PSPC1: variants seen among roughly 807,000 people sequenced by gnomAD.
The protein encoded by PSPC1 is paraspeckle protein 1.
PSPC1 carries 14 observed loss-of-function variants against 51.6 expected under a neutral mutation model. The observed-to-expected ratio is 0.27, with a 90% CI of 0.18 to 0.42. PSPC1 has a LOEUF of 0.42. Ranked by LOEUF, PSPC1 falls within the 10% of genes least tolerant of loss-of-function variation. The pLI, the probability that PSPC1 is intolerant of heterozygous loss-of-function variation, is 1.00. For missense variants in PSPC1, 406 were observed against 701.1 expected (o/e 0.58, Z 4.75); for synonymous variants, 193 against 231.9 (o/e 0.83, Z 1.53).
intron 6 of PSPC1, among the ~76,000 whole-genome samples, chr13:19,727,615 A>T (rs1245300053): frequency 6.6e-6 from 1 of 152,230 alleles, no homozygotes; most frequent in Non-Finnish European, 1.5e-5. Context: ...TGCTAGAACT[A>T]AAATCTGTCA....
chr13:19,699,417 G>C (rs755587600), downstream of PSPC1: 2 of 151,406 alleles, frequency 1.3e-5, no homozygotes, highest in Non-Finnish European at 3.0e-5. Context: ...TACACCACCA[G>C]AAAAACATGT....
At chr13:19,744,566 T>C (rs1885763966) in intron 4 of PSPC1, among the ~76,000 whole-genome samples, 1 of 151,484 alleles carries the variant, frequency 6.6e-6, no homozygotes, top group Non-Finnish European at 1.5e-5. Context: ...TTTTTTTTTC[T>C]TTTTTTTCTT....
intron 3 of PSPC1, among the ~76,000 whole-genome samples, chr13:19,754,442 ATAAC>A (rs1886870266): frequency 1.4e-5 from 2 of 138,218 alleles, no homozygotes; most frequent in Non-Finnish European, 3.1e-5. Flanking sequence ...AAGTGGGAAT[ATAAC>A]TAACTCCTTT....
At chr13:19,734,771 C>T (rs1298144588) in intron 5 of PSPC1, among the ~76,000 whole-genome samples, 6 of 151,808 alleles carry the variant, frequency 4.0e-5, no homozygotes, top group Non-Finnish European at 5.9e-5. Flanking sequence ...CACTGTACTC[C>T]AGCCTGGGCG....
intron 4 of PSPC1, among the ~76,000 whole-genome samples, chr13:19,747,645 T>C (rs1481367670): frequency 6.6e-6 from 1 of 152,198 alleles, no homozygotes. Flanking sequence ...TGTTTTGTTG[T>C]TACGATTTTT....
intron 1 of PSPC1, among the ~76,000 whole-genome samples, chr13:19,781,900 C>A (rs1890010307): frequency 6.6e-6 from 1 of 152,156 alleles, no homozygotes; most frequent in African/African-American, 2.4e-5. Flanking sequence ...CTGGACAGAC[C>A]CTCACGACCA....
chr13:19,714,749 C>A (rs929056028), intron 6 of PSPC1, among the ~76,000 whole-genome samples: 2 of 152,038 alleles, frequency 1.3e-5, no homozygotes, highest in African/African-American at 4.8e-5. Flanking sequence ...CCTGCCTCAA[C>A]CCCCCAAAGT....
At chr13:19,780,839 CCAGA>C (rs1889876373) in intron 1 of PSPC1, among the ~76,000 whole-genome samples, 1 of 152,138 alleles carries the variant, frequency 6.6e-6, no homozygotes, top group Admixed American at 6.6e-5. Context: ...TTTGTATCGT[CCAGA>C]CAGAGAACCC....
rs2138425245 is a variant in PSPC1 at position 19,782,695 on chromosome 13, G to A, written c.63C>T (p.Ala21=). Residue 21 remains alanine, a synonymous_variant, in exon 1 of 9, where the codon GCC becomes GCT. Transcript: ENST00000338910. The surrounding 1 kb of genome is among the most constrained non-coding windows in gnomAD (Gnocchi z 4.5). ...RIEKNPARLR[A]LESAVGESEP... is the part of the protein sequence containing the mutation. The stretch of plus-strand genomic sequence containing the variant: ...CGCTCTCGCCCACCGCGGACTCCAG[G>A]GCGCGAAGGCGGGCCGGGTTTTTCT... The A allele has an allele frequency of 3.2e-6, 5 of 1,571,930 alleles. No homozygotes were observed. Among genetic ancestry groups the A allele is most frequent in the East Asian group, 2.4e-5 (1 of 40,976 alleles).
chr13:19,736,526 A>AT (rs1884832483), intron 5 of PSPC1, among the ~76,000 whole-genome samples: 5 of 151,936 alleles, frequency 3.3e-5, no homozygotes, highest in Admixed American at 2.0e-4. Context: ...TACTAAAAAT[A>AT]CAAAAAATTA....
rs1039743839 is a variant in PSPC1, at chr13:19,778,357, C to T, written c.372+4029G>A. On this transcript the variant is annotated intron_variant, in intron 1 of 8. Transcript: ENST00000338910. ...CAATTTTCTCTACATATTAAGACCT[C>T]TCCCTCTCCCCCTCCCCCTCCCCCT... Among the ~76,000 whole-genome samples the T allele has an allele frequency of 8.2e-4, 45 of 54,562 alleles. No individual in the cohort carries two copies. In the South Asian group the frequency reaches 0.047, roughly 57 times the overall value. 35.8% of individuals were successfully genotyped at this position (54,562 alleles called of 152,430 possible).
chr13:19,674,791 A>G (rs1377310982), exon 8 of PSPC1: 2 of 152,276 alleles, frequency 1.3e-5, no homozygotes, highest in African/African-American at 4.8e-5. Flanking sequence ...TGCAGTTAAC[A>G]TGCTTCAAAG....
At chr13:19,707,833 T>TAA (rs1259213344) in intron 7 of PSPC1, among the ~76,000 whole-genome samples, 1 of 152,174 alleles carries the variant, frequency 6.6e-6, no homozygotes, top group African/African-American at 2.4e-5. Flanking sequence ...AACAGCCTTT[T>TAA]AAACTGCCTA....
At chr13:19,700,863 T>C (rs1354648250), downstream of PSPC1, among the ~76,000 whole-genome samples, 6 of 152,170 alleles carry the variant, frequency 3.9e-5, no homozygotes, top group African/African-American at 9.7e-5. Flanking sequence ...CTACCACTTT[T>C]AAGCAGATGA....
chr13:19,726,024 G>T (rs1026380354), intron 6 of PSPC1, among the ~76,000 whole-genome samples: 2 of 152,066 alleles, frequency 1.3e-5, no homozygotes, highest in Non-Finnish European at 2.9e-5. Flanking sequence ...GGGTACAGCA[G>T]CATGCCTACT....
Position 19,695,579 on chromosome 13 carries a change from AT to A in PSPC1, c.1159-17757del, listed in dbSNP as rs1879107527. Among the ~76,000 whole-genome samples the A allele has an allele frequency of 2.0e-5, 3 of 152,306 alleles. No individual in the cohort carries two copies. The South Asian group carries it at 6.2e-4, about 32-fold the overall frequency. ...AGCAACAGATCAAATATAAAGTTCT[AT>A]GGCTGCCCAGTAAGGTAATGCTAGA... On this transcript the variant is annotated intron_variant and NMD_transcript_variant, in intron 6 of 7. Coordinates refer to the PSPC1 transcript ENST00000471658.
chr13:19,769,099 A>G (rs1305401205), intron 2 of PSPC1, among the ~76,000 whole-genome samples: 2 of 150,866 alleles, frequency 1.3e-5, no homozygotes, highest in African/African-American at 4.9e-5. Context: ...ACATGGAACC[A>G]CTGCACTCCA....
chr13:19,690,348 T>TTGC (rs888529830), intron 6 of PSPC1, among the ~76,000 whole-genome samples: 1 of 152,232 alleles, frequency 6.6e-6, no homozygotes, highest in African/African-American at 2.4e-5. Context: ...TGAGTTCTAG[T>TTGC]TGCTACATTT....
At chr13:19,676,330 TGGCTTGA>T (rs1876629832) in intron 7 of PSPC1, among the ~76,000 whole-genome samples, 1 of 152,304 alleles carries the variant, frequency 6.6e-6, no homozygotes, top group Admixed American at 6.5e-5. Flanking sequence ...GCTGAGGGTG[TGGCTTGA>T]GAATGTGCAT....
Sources: allele counts gnomAD v4.1 joint callset (sites outside exome capture counted in the v4.1 genomes callset), GRCh38; gene constraint gnomAD v4.1.1; non-coding constraint Gnocchi (gnomAD v3.1); transcripts MANE v1.5; gene names NCBI Gene and HGNC (gene_info 2026-07-23, HGNC 2026-07-21).